The following PAK3 variants were observed in gnomAD, a reference collection of about 807,000 sequenced individuals.
PAK3 encodes serine/threonine-protein kinase PAK 3.
Under a neutral mutation model 41.0 loss-of-function variants are expected in PAK3, and 4 were observed. The observed-to-expected ratio is 0.10, with a 90% CI of 0.05 to 0.22. The LOEUF is 0.22. PAK3 is among the 10% of genes least tolerant of loss of function. The pLI is 1.00. For missense variants in PAK3, 205 were observed against 409.9 expected, an observed-to-expected ratio of 0.50 and a Z score of 4.32; for synonymous variants, 146 against 139.6, an observed-to-expected ratio of 1.05 and a Z score of -0.32.
intron 1 of PAK3, among the ~76,000 whole-genome samples, chrX:110,966,514 T>G: frequency 9.2e-6 from 1 of 108,836 alleles, no homozygotes; most frequent in African/African-American, 3.4e-5. Context: ...AGATCAGGGG[T>G]GGGAAGGAGA....
chrX:111,126,235 A>G (rs958070244), intron 5 of PAK3, among the ~76,000 whole-genome samples: 5 of 111,656 alleles, frequency 4.5e-5, no homozygotes, highest in Non-Finnish European at 9.4e-5. Context: ...TACTGATTTA[A>G]ACTATGTAAA....
chrX:111,142,632 A>G (rs2093887606), intron 6 of PAK3, among the ~76,000 whole-genome samples: 2 of 112,227 alleles, frequency 1.8e-5, no homozygotes, highest in Non-Finnish European at 1.9e-5. Context: ...AAGAATCTCT[A>G]TGGAACTGAC....
At chrX:111,011,106 T>G (rs73264370) in intron 1 of PAK3, among the ~76,000 whole-genome samples, 1,921 of 111,720 alleles carry the variant, frequency 0.017, 15 homozygotes, top group Non-Finnish European at 0.028. Flanking sequence ...ATGGTGCCTC[T>G]TTTGTGATTC....
chrX:111,224,950 G>GT lies in PAK3; in HGVS notation c.*4505dup, dbSNP rs1451446771. ...CTAAGCTACTTGCAGTTAATATTCA[G>GT]TTAAGCAAAGGTATGGCCAGTAGTG... On this transcript the variant is annotated 3_prime_UTR_variant, in exon 18 of 18. Coordinates refer to ENST00000372007, the MANE Select transcript of PAK3 (RefSeq NM_002578.5). 1.8e-5 allele frequency: 2 copies of GT among 111,946 alleles called. No homozygotes were observed. Among genetic ancestry groups the GT allele is most frequent in the African/African-American group, 6.5e-5 (2 of 30,785 alleles). The allele number at this position is 111,946 out of a possible 1,213,427, so 9.2% of individuals were successfully genotyped here.
intron 1 of PAK3, among the ~76,000 whole-genome samples, chrX:110,949,929 A>T (rs1234890733): frequency 1.8e-5 from 2 of 111,510 alleles, no homozygotes; most frequent in East Asian, 5.6e-4. Context: ...AATTCTTCCC[A>T]AAGAATGAGA....
intron 16 of PAK3, among the ~76,000 whole-genome samples, chrX:111,204,738 A>T (rs1247296099): frequency 9.0e-6 from 1 of 111,218 alleles, no homozygotes; most frequent in African/African-American, 3.3e-5. Flanking sequence ...AGAAAGTTAA[A>T]TCAATTAAGG....
At chrX:111,072,269 T>A (rs1384524660) in intron 1 of PAK3, among the ~76,000 whole-genome samples, 2 of 112,880 alleles carry the variant, frequency 1.8e-5, no homozygotes, top group African/African-American at 6.4e-5. Flanking sequence ...CAAATAAGTT[T>A]TATAATTCAA....
intron 1 of PAK3, among the ~76,000 whole-genome samples, chrX:110,966,886 C>A (rs1024248719): frequency 6.3e-5 from 7 of 111,955 alleles, no homozygotes; most frequent in African/African-American, 2.3e-4. Flanking sequence ...AAGGAAAAAG[C>A]AGGGATAGGA....
Position 111,148,003 on chromosome X carries a change from A to G in PAK3, c.430+113A>G, listed in dbSNP as rs1294064154. 6 of 638,596 alleles carry G rather than the reference A, an allele frequency of 9.4e-6. No individual in the cohort carries two copies. The African/African-American group carries it at 1.1e-4, about 12-fold the overall frequency. 52.6% of individuals were successfully genotyped at this position (638,596 alleles called of 1,213,427 possible). ...GAAATCGATTCTAGTACCTTCTTCA[A>G]ATGACATCAACATAAGGAAACCAAA... On this transcript the variant is annotated intron_variant, in intron 7 of 17. Coordinates refer to ENST00000372007, the MANE Select transcript of PAK3 (RefSeq NM_002578.5).
At chrX:111,021,431 G>A (rs1037528405) in intron 1 of PAK3, among the ~76,000 whole-genome samples, 1 of 111,957 alleles carries the variant, frequency 8.9e-6, no homozygotes, top group Non-Finnish European at 1.9e-5. Flanking sequence ...AGACCCAGAA[G>A]AGCAAAAACA....
At chrX:110,975,337 C>T (rs1407282466) in intron 1 of PAK3, among the ~76,000 whole-genome samples, 5 of 111,829 alleles carry the variant, frequency 4.5e-5, no homozygotes, top group African/African-American at 1.6e-4. Flanking sequence ...AGAGCTAACT[C>T]ATAAGTGAAC....
rs1166600861 is a variant in PAK3 at position 111,147,753 on chromosome X, G to A, written c.293G>A (p.Trp98Ter). The part of the protein sequence containing the change: ...TGEFTGIPEQ[W>*]ARLLQTSNIT... ...TGTCCACAGGGAATTCCAGAGCAAT[G>A]GGCACGATTACTCCAAACTTCCAAC... Residue 98 changes from tryptophan (W) to a stop codon, truncating the protein, a stop_gained, in exon 7 of 18, where the codon TGG becomes TAG. Coordinates refer to ENST00000372007, the MANE Select transcript of PAK3 (RefSeq NM_002578.5). LOFTEE classifies it high-confidence loss of function. The A allele has an allele frequency of 8.3e-7, 1 of 1,202,521 alleles. No homozygotes were observed. Among genetic ancestry groups the A allele is most frequent in the Non-Finnish European group, 1.1e-6 (1 of 887,458 alleles).
chrX:111,074,556 A>G (rs946172244), intron 1 of PAK3, among the ~76,000 whole-genome samples: 11 of 111,977 alleles, frequency 9.8e-5, no homozygotes, highest in African/African-American at 3.6e-4. Context: ...CTAATAAACC[A>G]TTCTTTACAA....
intron 7 of PAK3, among the ~76,000 whole-genome samples, chrX:111,149,102 G>A (rs1398169892): frequency 4.5e-5 from 5 of 111,403 alleles, no homozygotes; most frequent in African/African-American, 6.5e-5. Context: ...GGATTACAGG[G>A]CCCATGCAAG....
intron 1 of PAK3, among the ~76,000 whole-genome samples, chrX:111,008,157 G>A (rs1398425400): frequency 1.8e-5 from 2 of 112,236 alleles, no homozygotes; most frequent in African/African-American, 6.5e-5. Context: ...TTCAAATCCA[G>A]TCTAGTCCTA....
At chrX:111,089,930 A>G (rs369458214) in intron 1 of PAK3, among the ~76,000 whole-genome samples, 16 of 110,965 alleles carry the variant, frequency 1.4e-4, no homozygotes, top group Non-Finnish European at 2.6e-4. Context: ...TGACTCACCT[A>G]TGTAGCGTCC....
chrX:111,021,509 G>A lies in PAK3; in HGVS notation c.-28+76881G>A, dbSNP rs750299020. Reference sequence around the variant, plus strand: ...AAGGGGAAAATAACACATTAAGGGAGCACCCATGAGACAAAACAATCTGAA... The same window carrying A: ...AAGGGGAAAATAACACATTAAGGGAACACCCATGAGACAAAACAATCTGAA... On this transcript the variant is annotated intron_variant, in intron 1 of 14. Transcript: ENST00000425146. 7.2e-5 allele frequency among the ~76,000 whole-genome samples: 8 copies of A among 111,578 alleles called. No homozygotes were observed. In the South Asian group the frequency reaches 1.1e-3, roughly 16 times the overall value.
intron 10 of PAK3, among the ~76,000 whole-genome samples, chrX:111,168,240 A>G (rs1002008647): frequency 5.3e-5 from 6 of 112,150 alleles, no homozygotes; most frequent in African/African-American, 9.7e-5. Context: ...ACAAGTATTT[A>G]GCATTCTTAA....
At chrX:111,149,464 C>G (rs1007202304) in intron 7 of PAK3, among the ~76,000 whole-genome samples, 11 of 112,338 alleles carry the variant, frequency 9.8e-5, no homozygotes, top group African/African-American at 3.5e-4. Flanking sequence ...CAGAGGTTCT[C>G]CATGAGGGCC....
Sources: allele counts gnomAD v4.1 joint callset (sites outside exome capture counted in the v4.1 genomes callset), GRCh38; gene constraint gnomAD v4.1.1; transcripts MANE v1.5; gene names NCBI Gene and HGNC (gene_info 2026-07-23, HGNC 2026-07-21).